Variants in ADCY1 observed in about 807,000 individuals in gnomAD.
ADCY1 encodes adenylate cyclase type 1.
Under a neutral mutation model 105.4 loss-of-function variants are expected in ADCY1, and 28 were observed. That is an observed-to-expected ratio of 0.27 (90% CI 0.20 to 0.36). The LOEUF is 0.36. Ranked by LOEUF, ADCY1 falls within the 10% of genes least tolerant of loss-of-function variation. The probability of loss-of-function intolerance (pLI) is 1.00; values close to 1 mark genes in which losing one functional copy is unlikely to be tolerated. For synonymous variants in ADCY1, 655 were observed against 623.8 expected (o/e 1.05, Z -0.75); for missense variants, 977 against 1,434.2 (o/e 0.68, Z 5.15).
chr7:45,603,337 T>C (rs1234728564), intron 2 of ADCY1, among the ~76,000 whole-genome samples: 2 of 152,244 alleles, frequency 1.3e-5, no homozygotes, highest in Non-Finnish European at 2.9e-5. Flanking sequence ...GTAGAATTGC[T>C]AGGTCTTGTG....
intron 4 of ADCY1, among the ~76,000 whole-genome samples, chr7:45,645,304 A>C (rs2116044442): frequency 6.6e-6 from 1 of 151,972 alleles, no homozygotes; most frequent in South Asian, 2.1e-4. Flanking sequence ...CCCGTGTGCT[A>C]TTTATGCCTC....
chr7:45,641,783 A>T lies in ADCY1; in HGVS notation c.1021-6887A>T, dbSNP rs4308622. Among the ~76,000 whole-genome samples, 9 of 140,510 alleles carry T rather than the reference A, an allele frequency of 6.4e-5. 1 individual carries two copies. Among genetic ancestry groups the T allele is most frequent in the African/African-American group, 2.4e-4 (9 of 37,550 alleles). The allele number at this position is 140,510 out of a possible 152,430, so 92.2% of individuals were successfully genotyped here. On this transcript the variant is annotated intron_variant, in intron 4 of 19. Transcript: ENST00000297323. ...CTACTAAAAATACAAAAAATTAGCC[A>T]GGCGCGGTGGCGGGCGCCTGTAGTC... is the stretch of plus-strand genomic sequence containing the variant.
At chr7:45,585,469 G>A (rs1264682394) in intron 1 of ADCY1, among the ~76,000 whole-genome samples, 1 of 129,890 alleles carries the variant, frequency 7.7e-6, no homozygotes, top group East Asian at 2.3e-4. Flanking sequence ...TTGAGATGAA[G>A]TTTCGCTCTT....
chr7:45,636,433 A>G (rs1299213920), intron 4 of ADCY1, among the ~76,000 whole-genome samples: 3 of 152,270 alleles, frequency 2.0e-5, no homozygotes, highest in African/African-American at 7.2e-5. Flanking sequence ...CAACCTTGAT[A>G]GGCCTAACTA....
At chr7:45,666,113 A>T (rs1784248105) in intron 8 of ADCY1, among the ~76,000 whole-genome samples, 1 of 152,140 alleles carries the variant, frequency 6.6e-6, no homozygotes, top group Non-Finnish European at 1.5e-5. Context: ...AGTATGCTCA[A>T]TGCAGTGTCT....
intron 4 of ADCY1, among the ~76,000 whole-genome samples, chr7:45,646,942 G>A (rs1044574121): frequency 6.6e-6 from 1 of 152,228 alleles, no homozygotes; most frequent in Non-Finnish European, 1.5e-5. Context: ...GCTTTACAAG[G>A]CTGGCCTCAG....
chr7:45,585,557 C>A (rs1216146370), intron 1 of ADCY1, among the ~76,000 whole-genome samples: 2 of 151,144 alleles, frequency 1.3e-5, no homozygotes, highest in South Asian at 4.2e-4. Context: ...GATTCTCCTT[C>A]CTTGGCCTAG....
rs3735666 is a variant in ADCY1, at chr7:45,722,353, A to C, written c.*8358A>C. On this transcript the variant is annotated 3_prime_UTR_variant, in exon 20 of 20. Coordinates refer to ENST00000297323, the MANE Select transcript of ADCY1 (RefSeq NM_021116.4). ...GAATTTGAAATCACGCCGCATGCAC[A>C]AAGGGACAGGCCCAGGCCCGACCTC... 32,524 of 152,382 alleles carry C rather than the reference A, an allele frequency of 0.21. 4,138 individuals carry two copies. The highest frequency in any genetic ancestry group is 0.36 in the African/African-American group (14,889 of 41,532). The allele number at this position is 152,382 out of a possible 1,614,324, so 9.4% of individuals were successfully genotyped here. A position where few individuals can be genotyped will look rare whatever the true frequency, so the allele number is the denominator to read the frequency against.
chr7:45,683,811 A>C (rs778463105), intron 11 of ADCY1, among the ~76,000 whole-genome samples: 12 of 152,312 alleles, frequency 7.9e-5, no homozygotes, highest in Non-Finnish European at 1.6e-4. Flanking sequence ...GCAGGCCAAG[A>C]GGCTTTCTCA....
intron 14 of ADCY1, among the ~76,000 whole-genome samples, chr7:45,695,226 T>G (rs1347497873): frequency 1.3e-5 from 2 of 152,212 alleles, no homozygotes; most frequent in Non-Finnish European, 2.9e-5. Context: ...TTTATATATT[T>G]TGTGTGGTCT....
At chr7:45,712,504 A>C (rs538325095) in intron 19 of ADCY1, among the ~76,000 whole-genome samples, 1 of 152,152 alleles carries the variant, frequency 6.6e-6, no homozygotes, top group South Asian at 2.1e-4. Flanking sequence ...ATCCCCAGCC[A>C]GGTGTCTCCT....
chr7:45,660,890 TC>T (rs1795081516), intron 7 of ADCY1, among the ~76,000 whole-genome samples: 1 of 146,832 alleles, frequency 6.8e-6, no homozygotes, highest in African/African-American at 2.6e-5. Flanking sequence ...GGTGAGGTGT[TC>T]AGGGCTCGTG....
chr7:45,670,461 T>C (rs1784344283), intron 8 of ADCY1, among the ~76,000 whole-genome samples: 1 of 151,854 alleles, frequency 6.6e-6, no homozygotes, highest in Non-Finnish European at 1.5e-5. Flanking sequence ...TGTCTATTAC[T>C]CCTGACTTGA....
chr7:45,669,853 G>A (rs541490443), intron 8 of ADCY1, among the ~76,000 whole-genome samples: 1 of 152,256 alleles, frequency 6.6e-6, no homozygotes, highest in African/African-American at 2.4e-5. Flanking sequence ...ACAATAGTAT[G>A]TTTTTCAAAT....
chr7:45,622,276 G>T (rs547279737), intron 3 of ADCY1, among the ~76,000 whole-genome samples: 6 of 152,230 alleles, frequency 3.9e-5, no homozygotes, highest in African/African-American at 1.2e-4. Context: ...TCTGCTCGGT[G>T]CCGCTGGCCA....
intron 11 of ADCY1, among the ~76,000 whole-genome samples, chr7:45,681,824 G>T (rs1279366198): frequency 6.6e-6 from 1 of 152,222 alleles, no homozygotes; most frequent in Non-Finnish European, 1.5e-5. Context: ...TGGCCTGAGT[G>T]GACGCGGTGG....
rs376380431 is a variant in ADCY1, at chr7:45,582,904, C to CT, written c.639+7723dup. 2.8e-3 allele frequency among the ~76,000 whole-genome samples: 428 copies of CT among 152,142 alleles called. 2 individuals are homozygous for CT. Among genetic ancestry groups the CT allele is most frequent in the African/African-American group, 0.01 (420 of 41,532 alleles). ...GCAGCAGCCTAGCTCTGGCTTTGTG[C>CT]TGAAGGCAGCACAGTCCCTGGAACA... is the stretch of plus-strand genomic sequence containing the variant. On this transcript the variant is annotated intron_variant, in intron 1 of 19. Coordinates refer to ENST00000297323, the MANE Select transcript of ADCY1 (RefSeq NM_021116.4).
At chr7:45,638,867 T>C (rs1794463811) in intron 4 of ADCY1, among the ~76,000 whole-genome samples, 1 of 152,210 alleles carries the variant, frequency 6.6e-6, no homozygotes, top group Non-Finnish European at 1.5e-5. Flanking sequence ...TGAAGCCCAC[T>C]GGTAGCCAGG....
chr7:45,585,919 T>A (rs954308923), intron 1 of ADCY1, among the ~76,000 whole-genome samples: 2 of 152,126 alleles, frequency 1.3e-5, no homozygotes, highest in African/African-American at 4.8e-5. Flanking sequence ...GAGGTTCTGG[T>A]GTTACCCTCT....
Sources: gnomAD v4.1 joint callset for allele counts (sites outside exome capture counted in the v4.1 genomes callset) on GRCh38, gnomAD v4.1.1 for gene constraint, MANE v1.5 for transcripts, NCBI Gene and HGNC (gene_info 2026-07-23, HGNC 2026-07-21) for gene names.